The following CD6 variants were observed in gnomAD, a reference collection of about 807,000 sequenced individuals.
CD6 encodes T-cell differentiation antigen CD6.
Under a neutral mutation model 75.3 loss-of-function variants are expected in CD6, and 53 were observed. That is an observed-to-expected ratio of 0.70 (90% CI 0.56 to 0.88). The LOEUF (loss-of-function observed/expected upper bound fraction) is 0.88, where lower values mean the gene tolerates loss of function less well. CD6 is among the 40% of genes least tolerant of loss of function. CD6 has a pLI of 0.00. For missense variants in CD6, 770 were observed against 897.1 expected, an observed-to-expected ratio of 0.86 and a Z score of 1.81; for synonymous variants, 359 against 381.5, an observed-to-expected ratio of 0.94 and a Z score of 0.69.
At chr11:60,991,149 C>CTTTTTTTTTTTTT (rs58123378) in intron 1 of CD6, among the ~76,000 whole-genome samples, 4 of 114,714 alleles carry the variant, frequency 3.5e-5, no homozygotes, top group Admixed American at 1.1e-4. Flanking sequence ...CTTTTTCTTT[C>CTTTTTTTTTTTTT]TTTTTTTTTT....
chr11:60,981,151 C>T (rs1857545757), intron 1 of CD6, among the ~76,000 whole-genome samples: 1 of 152,238 alleles, frequency 6.6e-6, no homozygotes, highest in African/African-American at 2.4e-5. Context: ...GGATCACGTC[C>T]TCCAGTGCAG....
intron 1 of CD6, among the ~76,000 whole-genome samples, chr11:60,984,458 G>A (rs371072281): frequency 6.6e-6 from 1 of 152,102 alleles, no homozygotes; most frequent in African/African-American, 2.4e-5. Flanking sequence ...GTCCGGGTCA[G>A]CACCTCTCCA....
chr11:60,996,383 G>T (rs1858294994), intron 1 of CD6, among the ~76,000 whole-genome samples: 1 of 152,160 alleles, frequency 6.6e-6, no homozygotes, highest in Non-Finnish European at 1.5e-5. Flanking sequence ...TGGGTTGGGA[G>T]TAGAAAACTA....
Position 61,007,973 on chromosome 11 carries a change from C to T in CD6, c.469+63C>T, listed in dbSNP as rs1267028686. 3.6e-6 allele frequency: 4 copies of T among 1,115,420 alleles called. No individual in the cohort carries two copies. The East Asian group carries it at 1.3e-4, about 36-fold the overall frequency. 69.1% of individuals were successfully genotyped at this position (1,115,420 alleles called of 1,614,324 possible). A position where few individuals can be genotyped will look rare whatever the true frequency, so the allele number is the denominator to read the frequency against. ...CACTCCCCAGGCCTTCAGCCACTGC[C>T]CCTGGCTCCAGACCCTGGACGCAAG... On this transcript the variant is annotated intron_variant, in intron 3 of 12. Transcript: ENST00000313421. The surrounding 1 kb of genome is among the most constrained non-coding windows in gnomAD (Gnocchi z 4.2).
intron 1 of CD6, among the ~76,000 whole-genome samples, chr11:60,977,070 A>G (rs751705357): frequency 5.3e-5 from 8 of 152,098 alleles, no homozygotes; most frequent in Non-Finnish European, 8.8e-5. Context: ...GGTAGCTCCT[A>G]GGGTGCTGGA....
At chr11:60,992,079 C>T (rs920688402) in intron 1 of CD6, among the ~76,000 whole-genome samples, 2 of 152,126 alleles carry the variant, frequency 1.3e-5, no homozygotes, top group Non-Finnish European at 2.9e-5. Flanking sequence ...AAGGTTTTGC[C>T]TTGTTGCTTA....
intron 1 of CD6, among the ~76,000 whole-genome samples, chr11:60,987,738 CT>C (rs1857883723): frequency 2.2e-5 from 2 of 91,520 alleles, no homozygotes; most frequent in Middle Eastern, 9.5e-3. Flanking sequence ...TTTCTTACCC[CT>C]GAGAACTCCT....
chr11:60,973,421 T>C (rs1857262846), intron 1 of CD6, among the ~76,000 whole-genome samples: 1 of 152,266 alleles, frequency 6.6e-6, no homozygotes, highest in Non-Finnish European at 1.5e-5. Flanking sequence ...TTCCCAGTAC[T>C]GTCATCCACT....
chr11:61,015,857 C>A, intron 9 of CD6, 22 bp downstream of exon 9: 1 of 1,613,040 alleles, frequency 6.2e-7, no homozygotes, highest in Non-Finnish European at 8.5e-7. Context: ...GCCGGGCTCC[C>A]GAGGGCCCAC....
chr11:61,019,872 C>T lies in CD6; in HGVS notation c.*554C>T, dbSNP rs534955774. On this transcript the variant is annotated 3_prime_UTR_variant, in exon 13 of 13. Transcript: ENST00000313421. ...CAGCTGTCCCAGGCTTTGCTCCGGG[C>T]GGTAACTGCACTTGGGCAGGGAATA... 29 of 313,838 alleles carry T rather than the reference C, an allele frequency of 9.2e-5. No individual in the cohort carries two copies. The highest frequency in any genetic ancestry group is 6.6e-4 in the East Asian group (13 of 19,770). 19.4% of individuals were successfully genotyped at this position (313,838 alleles called of 1,614,324 possible).
intron 9 of CD6, 130 bp from the exon 10 acceptor site, chr11:61,017,349 T>A (rs760316516): frequency 4.7e-5 from 32 of 683,552 alleles, no homozygotes; most frequent in Non-Finnish European, 7.3e-5. Flanking sequence ...TGCTAAGCCC[T>A]CTCTGCCTCC....
intron 9 of CD6, among the ~76,000 whole-genome samples, chr11:61,016,691 C>T (rs376259495): frequency 6.6e-6 from 1 of 152,222 alleles, no homozygotes; most frequent in African/African-American, 2.4e-5. Context: ...GCACCCAGAA[C>T]GAAAACCCAC....
At chr11:60,982,481 A>C (rs1452802036) in intron 1 of CD6, 1 of 428,936 alleles carries the variant, frequency 2.3e-6, no homozygotes, top group East Asian at 7.1e-5. Flanking sequence ...TAGGGTGTTC[A>C]CCTCTTTCAG....
intron 1 of CD6, among the ~76,000 whole-genome samples, chr11:60,980,933 G>T (rs1407127829): frequency 1.3e-5 from 2 of 152,152 alleles, no homozygotes; most frequent in Non-Finnish European, 2.9e-5. Context: ...CTGAGGGGAG[G>T]TGCTGACCAG....
chr11:60,980,100 G>A (rs1388506908), intron 1 of CD6, among the ~76,000 whole-genome samples: 1 of 152,204 alleles, frequency 6.6e-6, no homozygotes, highest in Non-Finnish European at 1.5e-5. Context: ...GGCTAATGCT[G>A]AATTTAAATC....
chr11:60,999,060 A>G (rs934202602), intron 1 of CD6, among the ~76,000 whole-genome samples: 1 of 152,084 alleles, frequency 6.6e-6, no homozygotes, highest in Non-Finnish European at 1.5e-5. Context: ...CAGGAGGCTG[A>G]GGCAGGAGAA....
rs975398455 is a variant in CD6, at chr11:61,007,915, G to A, written c.469+5G>A. ...GGGCCCGTGTCACCTGTGCAGGTAC[G>A]AGCGCACCCCCTACACGGGCCCCCA... On this transcript the variant is annotated splice_donor_5th_base_variant and intron_variant, in intron 3 of 12. Transcript: ENST00000313421. This position sits in a 1 kb window ranked among gnomAD's most constrained non-coding sequence, Gnocchi z 4.2. The A allele has an allele frequency of 2.8e-5, 37 of 1,331,168 alleles. No homozygotes were observed. Among genetic ancestry groups the A allele is most frequent in the Middle Eastern group, 5.5e-4 (2 of 3,624 alleles). 82.5% of individuals were successfully genotyped at this position (1,331,168 alleles called of 1,614,324 possible).
Position 61,017,822 on chromosome 11 carries a change from C to T in CD6, c.1646C>T (p.Pro549Leu), listed in dbSNP as rs757494193. The T allele has an allele frequency of 1.1e-5, 17 of 1,614,008 alleles. No individual in the cohort carries two copies. Among genetic ancestry groups the T allele is most frequent in the African/African-American group, 4.0e-5 (3 of 74,900 alleles). Residue 549 changes from proline (P) to leucine (L), a missense_variant, in exon 11 of 13, where the codon CCG (proline) becomes CTG (leucine). Transcript: ENST00000313421. ...AACCCTGGACACTGCATTACAGACC[C>T]GCCATCCCTGGGCCCTCAGTATCAC... ...TANPGHCITDPPSLGPQYHPR... is the reference protein window; with the variant it reads ...TANPGHCITDLPSLGPQYHPR...
chr11:60,997,343 C>A (rs1858346901), intron 1 of CD6, among the ~76,000 whole-genome samples: 1 of 150,704 alleles, frequency 6.6e-6, no homozygotes, highest in South Asian at 2.1e-4. Flanking sequence ...CATACCACTG[C>A]CCTCCAGCCT....
Sources: gnomAD v4.1 joint callset for allele counts (sites outside exome capture counted in the v4.1 genomes callset) on GRCh38, gnomAD v4.1.1 for gene constraint, Gnocchi (gnomAD v3.1) non-coding constraint, MANE v1.5 for transcripts, NCBI Gene and HGNC (gene_info 2026-07-23, HGNC 2026-07-21) for gene names.